Variants in AGBL4 observed in about 807,000 individuals in gnomAD.
The protein encoded by AGBL4 is cytosolic carboxypeptidase 6.
In AGBL4, 58 loss-of-function variants were observed where a neutral mutation model predicts 66.4. The observed-to-expected ratio is 0.87, with a 90% confidence interval of 0.71 to 1.09. The LOEUF (loss-of-function observed/expected upper bound fraction) is 1.09. Ranked by LOEUF, AGBL4 falls within the 50% of genes least tolerant of loss-of-function variation. AGBL4 has a pLI of 0.00. For synonymous variants in AGBL4, 234 were observed against 222.9 expected, an observed-to-expected ratio of 1.05 and a Z score of -0.44; for missense variants, 579 against 631.0, an observed-to-expected ratio of 0.92 and a Z score of 0.88.
At chr1:48,636,265 A>G (rs1027624784) in intron 8 of AGBL4, among the ~76,000 whole-genome samples, 3 of 152,250 alleles carry the variant, frequency 2.0e-5, no homozygotes, top group African/African-American at 7.2e-5. Flanking sequence ...TCACTCAGAT[A>G]TAACTCCTGT....
intron 6 of AGBL4, among the ~76,000 whole-genome samples, chr1:48,689,707 C>A (rs889173026): frequency 6.6e-6 from 1 of 152,036 alleles, no homozygotes; most frequent in African/African-American, 2.4e-5. Context: ...GATGAGATGG[C>A]CTGTGACTTG....
At chr1:49,579,111 TTC>T (rs1644493461) in intron 3 of AGBL4, among the ~76,000 whole-genome samples, 1 of 152,180 alleles carries the variant, frequency 6.6e-6, no homozygotes, top group African/African-American at 2.4e-5. Flanking sequence ...CTCCAGGTTC[TTC>T]AGTTTTGAGA....
chr1:48,733,019 A>G (rs540000588), intron 6 of AGBL4, among the ~76,000 whole-genome samples: 43 of 152,238 alleles, frequency 2.8e-4, no homozygotes, highest in African/African-American at 8.4e-4. Context: ...GTCACTGGGG[A>G]CCTTGGTGAA....
At chr1:48,719,444 C>T (rs80076138) in intron 6 of AGBL4, among the ~76,000 whole-genome samples, 2,237 of 152,308 alleles carry the variant, frequency 0.015, 21 homozygotes, top group Non-Finnish European at 0.022. Flanking sequence ...CTTCTCAACT[C>T]CTCCCTCTCC....
rs981761683 is a variant in AGBL4, at chr1:49,304,943, T to A, written c.283-59079A>T. On this transcript the variant is annotated intron_variant, in intron 3 of 13. Transcript: ENST00000371839. ...TTTGAACTAAATAAACTATTTATGC[T>A]ATCTGCTGAACATTTTCTATGTGCC... 2.6e-5 allele frequency among the ~76,000 whole-genome samples: 4 copies of A among 152,314 alleles called. No homozygotes were observed. The South Asian group carries it at 8.3e-4, about 32-fold the overall frequency.
chr1:49,308,278 T>C (rs1432964205), intron 3 of AGBL4, among the ~76,000 whole-genome samples: 1 of 152,158 alleles, frequency 6.6e-6, no homozygotes. Context: ...ACAGAGTAGT[T>C]TAAATGTTCT....
chr1:48,908,646 G>T (rs1280848443), intron 5 of AGBL4, among the ~76,000 whole-genome samples: 2 of 152,120 alleles, frequency 1.3e-5, no homozygotes, highest in Non-Finnish European at 2.9e-5. Context: ...TGAATTAGAA[G>T]TGTTTTTTTC....
At chr1:49,099,619 G>A (rs1645165208) in intron 4 of AGBL4, among the ~76,000 whole-genome samples, 1 of 152,106 alleles carries the variant, frequency 6.6e-6, no homozygotes, top group Non-Finnish European at 1.5e-5. Flanking sequence ...TTTGGGCCAT[G>A]AACTACTTCT....
intron 6 of AGBL4, among the ~76,000 whole-genome samples, chr1:48,796,114 G>A (rs1332382183): frequency 3.3e-5 from 5 of 152,176 alleles, no homozygotes; most frequent in Non-Finnish European, 7.3e-5. Flanking sequence ...CCCTCTACTT[G>A]TAACATTTTC....
intron 6 of AGBL4, among the ~76,000 whole-genome samples, chr1:48,671,895 A>G (rs577618493): frequency 1.6e-4 from 25 of 152,300 alleles, no homozygotes; most frequent in African/African-American, 5.5e-4. Context: ...GCTTTCCCCA[A>G]TGTGCGCTCT....
intron 2 of AGBL4, among the ~76,000 whole-genome samples, chr1:49,810,090 G>T (rs1435577857): frequency 3.3e-5 from 5 of 152,022 alleles, no homozygotes; most frequent in African/African-American, 1.2e-4. Context: ...ATACAAAATT[G>T]ATCTTTACCA....
At chr1:48,855,509 AG>A (rs1251990680) in intron 6 of AGBL4, among the ~76,000 whole-genome samples, 1 of 152,170 alleles carries the variant, frequency 6.6e-6, no homozygotes, top group Admixed American at 6.5e-5. Flanking sequence ...TGAGAGATGG[AG>A]TTTTTTGGGG....
intron 3 of AGBL4, among the ~76,000 whole-genome samples, chr1:49,383,803 AT>A (rs66756545): frequency 3.7e-4 from 54 of 144,632 alleles, no homozygotes; most frequent in South Asian, 6.6e-4. Context: ...ATATATATAT[AT>A]TTTTTTTTTT....
chr1:49,963,549 A>G (rs1480766396), intron 1 of AGBL4, among the ~76,000 whole-genome samples: 1 of 152,184 alleles, frequency 6.6e-6, no homozygotes, highest in Admixed American at 6.5e-5. Flanking sequence ...GAGTAATAAA[A>G]TATTCCAACA....
At chr1:48,900,308 A>T (rs1390299993) in intron 5 of AGBL4, among the ~76,000 whole-genome samples, 1 of 152,376 alleles carries the variant, frequency 6.6e-6, no homozygotes. Flanking sequence ...AAGAATTTTT[A>T]AAAGAGGATG....
intron 6 of AGBL4, chr1:48,742,502 C>T: frequency 1.9e-6 from 2 of 1,041,586 alleles, no homozygotes; most frequent in Non-Finnish European, 2.6e-6. Flanking sequence ...AACAGTCATT[C>T]AGGGCTAGGC....
intron 3 of AGBL4, among the ~76,000 whole-genome samples, chr1:49,582,261 T>A (rs1331148042): frequency 6.6e-6 from 1 of 152,126 alleles, no homozygotes; most frequent in Non-Finnish European, 1.5e-5. Flanking sequence ...TATGGGGCAA[T>A]CCTAAGGTCC....
chr1:49,557,090 C>A (rs1454558501), intron 3 of AGBL4, among the ~76,000 whole-genome samples: 1 of 152,060 alleles, frequency 6.6e-6, no homozygotes, highest in Non-Finnish European at 1.5e-5. Flanking sequence ...CGAGCCTCTC[C>A]CTCCACACCT....
chr1:49,002,832 C>T (rs1303640909), intron 5 of AGBL4, among the ~76,000 whole-genome samples: 1 of 152,154 alleles, frequency 6.6e-6, no homozygotes, highest in Non-Finnish European at 1.5e-5. Context: ...AACTCCCACT[C>T]CACTCAGGAA....
Sources: gnomAD v4.1 joint callset for allele counts (sites outside exome capture counted in the v4.1 genomes callset) on GRCh38, gnomAD v4.1.1 for gene constraint, MANE v1.5 for transcripts, NCBI Gene and HGNC (gene_info 2026-07-23, HGNC 2026-07-21) for gene names.